Variants in CDH15 observed in about 807,000 individuals in gnomAD.
CDH15 encodes the protein cadherin 15.
Under a neutral mutation model 69.4 loss-of-function variants are expected in CDH15, and 73 were observed. The observed-to-expected ratio is 1.05, with a 90% CI of 0.87 to 1.28. CDH15 has a LOEUF of 1.28. Ranked by LOEUF, CDH15 falls within the 50% of genes most tolerant of loss-of-function variation. The pLI is 0.00. For synonymous variants in CDH15, 624 were observed against 507.7 expected (o/e 1.23, Z -3.08); for missense variants, 1,343 against 1,133.6 (o/e 1.18, Z -2.65).
At position 89,193,577 on chromosome 16, in the gene CDH15, G is replaced by A; in HGVS notation, c.1963G>A (p.Asp655Asn). 2 of 1,605,656 alleles carry A rather than the reference G, an allele frequency of 1.2e-6. No homozygotes were observed. Among genetic ancestry groups the A allele is most frequent in the Non-Finnish European group, 1.7e-6 (2 of 1,176,328 alleles). ...CCTTCGAGACAATGTCCTCAACTAC[G>A]ATGAGCAAGGAGGCGGGGAGGAGGA... ...DDLRDNVLNYDEQGGGEEDQD... is the reference protein window; with the variant it reads ...DDLRDNVLNYNEQGGGEEDQD... Residue 655 changes from aspartate to asparagine, a missense_variant, in exon 12 of 14, where the codon GAT becomes AAT. By Grantham distance (23) the Asp-to-Asn change is conservative. Transcript: ENST00000289746.
At chr16:89,194,057 G>C in intron 13 of CDH15, 144 bp downstream of exon 13, 1 of 1,015,316 alleles carries the variant, frequency 9.8e-7, no homozygotes, top group South Asian at 1.5e-5. Context: ...GAGGAAGATG[G>C]TGTGCGGGCG....
Position 89,187,496 on chromosome 16 carries a change from C to A in CDH15, c.731C>A (p.Ala244Asp). 6.2e-7 allele frequency: 1 copy of A among 1,613,706 alleles called. No individual in the cohort carries two copies. The highest frequency in any genetic ancestry group is 1.6e-4 in the Middle Eastern group (1 of 6,062). The change falls in exon 6 of 14, where the codon GCC becomes GAC. Residue 244 changes from alanine (A) to aspartate (D), a missense_variant. By Grantham distance (126) the Ala-to-Asp change is moderately radical. Coordinates refer to ENST00000289746, the MANE Select transcript of CDH15 (RefSeq NM_004933.3). The stretch of plus-strand genomic sequence containing the variant: ...TCTGGAGACGGCCTCACAGCCACTG[C>A]CTCAGCCATCATCACCCTTGATGAC... ...DMSGDGLTAT[A>D]SAIITLDDIN...
Position 89,195,354 on chromosome 16 carries a change from G to A in CDH15, c.*199G>A. 1 of 604,874 alleles carries A rather than the reference G, an allele frequency of 1.7e-6. No homozygotes were observed. The highest frequency in any genetic ancestry group is 2.8e-5 in the East Asian group (1 of 35,852). 37.5% of individuals were successfully genotyped at this position (604,874 alleles called of 1,614,324 possible). A position where few individuals can be genotyped will look rare whatever the true frequency, so the allele number is the denominator to read the frequency against. ...AGGCCCCTTCCTGCCGGGGTGGGAA[G>A]AGTTTCTCTCCATCGGCCCCATGCG... is the stretch of plus-strand genomic sequence containing the variant. On this transcript the variant is annotated 3_prime_UTR_variant, in exon 14 of 14. Transcript: ENST00000289746.
chr16:89,172,447 CCT>C (rs1439791883), intron 1 of CDH15, among the ~76,000 whole-genome samples: 8 of 152,306 alleles, frequency 5.3e-5, no homozygotes, highest in Admixed American at 2.0e-4. Flanking sequence ...CAACACACGG[CCT>C]TGCAGAGTGG....
At chr16:89,185,141 C>T (rs776837328) in intron 4 of CDH15, 32 bp from the exon 5 acceptor site, 2 of 1,566,146 alleles carry the variant, frequency 1.3e-6, no homozygotes, top group Non-Finnish European at 1.7e-6. Context: ...GCCCTGTGGA[C>T]GTTGGCCCTC....
intron 4 of CDH15, among the ~76,000 whole-genome samples, chr16:89,184,706 G>A (rs563642400): frequency 6.6e-6 from 1 of 151,842 alleles, no homozygotes; most frequent in African/African-American, 2.4e-5. Flanking sequence ...TGCGTCCTCT[G>A]TCTTATCCTG....
In CDH15 at chr16:89,188,204, C is replaced by T. The variant is rs17850429; in HGVS notation, c.897C>T (p.Thr299=). 2.5e-6 allele frequency: 4 copies of T among 1,613,378 alleles called. No homozygotes were observed. Among genetic ancestry groups the T allele is most frequent in the Non-Finnish European group, 3.4e-6 (4 of 1,179,874 alleles). ...PGSPNWVARF[T]ILEGDPDGQF... ...CCCCAAACTGGGTGGCCAGGTTCAC[C>T]ATCCTGGAAGGCGACCCCGATGGGC... Residue 299 remains threonine (T), a synonymous_variant, in exon 7 of 14, where the codon ACC becomes ACT. Transcript: ENST00000289746.
At position 89,185,215 on chromosome 16, in the gene CDH15, C is replaced by G. The variant is rs1427594259; in HGVS notation, c.545C>G (p.Pro182Arg). 1.2e-6 allele frequency: 2 copies of G among 1,605,644 alleles called. No individual in the cohort carries two copies. Among genetic ancestry groups the G allele is most frequent in the Non-Finnish European group, 1.7e-6 (2 of 1,176,724 alleles). ...TRAEATDADDPETDNAALRFS... is the reference protein window; with the variant it reads ...TRAEATDADDRETDNAALRFS... ...GCAGAGGCCACAGATGCCGACGACC[C>G]CGAGACGGACAACGCAGCGCTGCGG... The change falls in exon 5 of 14, where the codon CCC becomes CGC. Residue 182 changes from proline (P) to arginine (R), a missense_variant. Physicochemically the swap from Pro to Arg is moderately radical, Grantham distance 103 (BLOSUM62 -2). Transcript: ENST00000289746.
chr16:89,195,353 A>G lies in CDH15; in HGVS notation c.*198A>G, dbSNP rs1915783767. 3 of 605,898 alleles carry G rather than the reference A, an allele frequency of 5.0e-6. No individual in the cohort carries two copies. The East Asian group carries it at 8.4e-5, about 17-fold the overall frequency. The allele number at this position is 605,898 out of a possible 1,614,324, so 37.5% of individuals were successfully genotyped here. On this transcript the variant is annotated 3_prime_UTR_variant, in exon 14 of 14. Coordinates refer to ENST00000289746, the MANE Select transcript of CDH15 (RefSeq NM_004933.3). ...GAGGCCCCTTCCTGCCGGGGTGGGA[A>G]GAGTTTCTCTCCATCGGCCCCATGC...
intron 6 of CDH15, 34 bp from the exon 7 acceptor site, chr16:89,188,066 C>CT (rs753757855): frequency 1.2e-5 from 19 of 1,580,394 alleles, no homozygotes; most frequent in Non-Finnish European, 1.6e-5. Flanking sequence ...CCCCCCAGCC[C>CT]TGCTGGTAAC....
chr16:89,186,098 T>C (rs1328992421), intron 5 of CDH15: 1 of 135,342 alleles, frequency 7.4e-6, no homozygotes, highest in African/African-American at 2.9e-5. Flanking sequence ...CAGCGCACAG[T>C]AGGTGCTCTG....
Position 89,190,408 on chromosome 16 carries a change from A to G in CDH15, c.1144A>G (p.Thr382Ala). 1 of 1,612,404 alleles carries G rather than the reference A, an allele frequency of 6.2e-7. No individual in the cohort carries two copies. Residue 382 changes from threonine (T) to alanine (A), a missense_variant, in exon 8 of 14, where the codon ACC (threonine) becomes GCC (alanine). Coordinates refer to ENST00000289746, the MANE Select transcript of CDH15 (RefSeq NM_004933.3). ...CGTGTTCCAGGAGAACCCACTTCGG[A>G]CCAGCCTAGCAGAGGGGGCACCCCC... ...PPVFQENPLRTSLAEGAPPGT... is the reference protein window; with the variant it reads ...PPVFQENPLRASLAEGAPPGT...
Position 89,181,872 on chromosome 16 carries a change from A to G in CDH15, c.357+1517A>G, listed in dbSNP as rs556179840. ...GAGAATCGCTGGAACCCGGGAGGCG[A>G]AGGTTGAAGTGAGCTGAGTCCTCGC... On this transcript the variant is annotated intron_variant, in intron 3 of 13. Coordinates refer to ENST00000289746, the MANE Select transcript of CDH15 (RefSeq NM_004933.3). 2.3e-3 allele frequency among the ~76,000 whole-genome samples: 342 copies of G among 150,798 alleles called. 3 individuals are homozygous for G. Among genetic ancestry groups the G allele is most frequent in the African/African-American group, 4.5e-3 (186 of 41,280 alleles).
chr16:89,185,124 C>A (rs778941672), intron 4 of CDH15, 49 bp from the exon 5 acceptor site: 14 of 1,539,652 alleles, frequency 9.1e-6, no homozygotes, highest in Non-Finnish European at 1.2e-5. Flanking sequence ...ATGCCCCCAG[C>A]CCATCGGCCC....
intron 10 of CDH15, 32 bp downstream of exon 10, chr16:89,191,926 T>G: frequency 7.0e-7 from 1 of 1,435,442 alleles, no homozygotes; most frequent in Non-Finnish European, 9.4e-7. Context: ...GCTCCCCCCA[T>G]CCCCACGCTC....
intron 1 of CDH15, 23 bp from the exon 2 acceptor site, chr16:89,179,393 G>A: frequency 1.2e-6 from 2 of 1,613,304 alleles, no homozygotes; most frequent in Non-Finnish European, 1.7e-6. Flanking sequence ...CGGTACTGTG[G>A]GACGCATCTG....
At chr16:89,182,053 AC>A (rs1915388575) in intron 3 of CDH15, among the ~76,000 whole-genome samples, 1 of 146,218 alleles carries the variant, frequency 6.8e-6, no homozygotes, top group Non-Finnish European at 1.5e-5. Context: ...GAAAACCAGA[AC>A]CCCGTCTGCA....
chr16:89,187,309 C>A, intron 5 of CDH15, 120 bp from the exon 6 acceptor site: 1 of 1,203,212 alleles, frequency 8.3e-7, no homozygotes, highest in Non-Finnish European at 1.2e-6. Flanking sequence ...GGGTCTTCAA[C>A]ACCCACTGGG....
Position 89,194,978 on chromosome 16 carries a change from G to A in CDH15, c.2268G>A (p.Gln756=), listed in dbSNP as rs987891981. The A allele has an allele frequency of 2.5e-6, 4 of 1,611,294 alleles. No individual in the cohort carries two copies. The South Asian group carries it at 4.4e-5, about 18-fold the overall frequency. ...AGTLSSILSS[Q]GDEDQDYDYL... is the part of the protein sequence containing the mutation. ...CGCTGAGCTCCATCCTGTCCAGCCAGGGCGATGAGGACCAGGACTACGACT... is the reference window on the plus strand; with the variant it reads ...CGCTGAGCTCCATCCTGTCCAGCCAAGGCGATGAGGACCAGGACTACGACT... Residue 756 remains glutamine (Q), a synonymous_variant, in exon 14 of 14, where the codon CAG becomes CAA. Coordinates refer to ENST00000289746, the MANE Select transcript of CDH15 (RefSeq NM_004933.3).
Sources: allele counts gnomAD v4.1 joint callset (sites outside exome capture counted in the v4.1 genomes callset), GRCh38; gene constraint gnomAD v4.1.1; transcripts MANE v1.5; gene names NCBI Gene and HGNC (gene_info 2026-07-23, HGNC 2026-07-21).